B4GALT4: variants seen among roughly 807,000 people sequenced by gnomAD.
The protein encoded by B4GALT4 is beta-1,4-galactosyltransferase 4, also known as N-acetyllactosamine synthase.
B4GALT4 carries 27 observed loss-of-function variants against 37.3 expected under a neutral mutation model. That is an observed-to-expected ratio of 0.72 (90% CI 0.53 to 1.00). The LOEUF is 1.00. B4GALT4 is among the 50% of genes least tolerant of loss of function. The pLI is 0.00. For missense variants in B4GALT4, 372 were observed against 413.1 expected (o/e 0.90, Z 0.86); for synonymous variants, 148 against 154.1 (o/e 0.96, Z 0.29).
intron 4 of B4GALT4, 130 bp downstream of exon 4, chr3:119,226,679 G>C: frequency 2.7e-6 from 2 of 742,350 alleles, no homozygotes; most frequent in South Asian, 3.7e-5. Flanking sequence ...AAGGATAAAT[G>C]AGGTAAGAGA....
At chr3:119,230,351 C>A in intron 2 of B4GALT4, 107 bp from the exon 3 acceptor site, 1 of 505,994 alleles carries the variant, frequency 2.0e-6, no homozygotes, top group Non-Finnish European at 3.5e-6. Flanking sequence ...CTTGACTAAC[C>A]GTAATGGTAG....
At chr3:119,238,548 C>T (rs975161425) in intron 1 of B4GALT4, among the ~76,000 whole-genome samples, 16 of 152,140 alleles carry the variant, frequency 1.1e-4, no homozygotes, top group African/African-American at 3.6e-4. Flanking sequence ...CAAAAAAATA[C>T]GGTAAGATAT....
chr3:119,239,589 C>CA (rs1317074751), intron 1 of B4GALT4, among the ~76,000 whole-genome samples: 5 of 152,148 alleles, frequency 3.3e-5, no homozygotes, highest in Admixed American at 2.0e-4. Context: ...TATTAAGTGG[C>CA]ATATAAACTA....
chr3:119,217,842 CAAAAAAAAAA>C (rs57522373), intron 6 of B4GALT4, among the ~76,000 whole-genome samples: 2 of 87,806 alleles, frequency 2.3e-5, no homozygotes, highest in African/African-American at 9.2e-5. Flanking sequence ...GACTTTGTCT[CAAAAAAAAAA>C]AAAAAAAAAA....
intron 7 of B4GALT4, chr3:119,215,622 T>C (rs1029675289): frequency 1.3e-5 from 2 of 152,100 alleles, no homozygotes; most frequent in Admixed American, 1.3e-4. Flanking sequence ...AAAATAGAGG[T>C]CAGGAGGACA....
intron 2 of B4GALT4, among the ~76,000 whole-genome samples, chr3:119,231,826 T>C (rs1353729263): frequency 6.8e-6 from 1 of 146,900 alleles, no homozygotes; most frequent in Non-Finnish European, 1.5e-5. Flanking sequence ...TATATTTTAA[T>C]ATATTTTATA....
At chr3:119,219,936 C>T (rs776519362) in intron 5 of B4GALT4, among the ~76,000 whole-genome samples, 2 of 151,902 alleles carry the variant, frequency 1.3e-5, no homozygotes, top group South Asian at 4.2e-4. Context: ...GTTCCAGGAC[C>T]GATAAAATAT....
rs773041353 is a variant in B4GALT4 at position 119,230,007 on chromosome 3, A to C, written c.93T>G (p.Ser31Arg). 3.1e-6 allele frequency: 5 copies of C among 1,614,186 alleles called. No homozygotes were observed. In the South Asian group the frequency reaches 5.5e-5, roughly 18 times the overall value. ...LCLTVVGWAT[S>R]NYFVGAIQEI... ...CTTGAATGGCACCCACGAAGTAGTT[A>C]CTGGTGGCCCACCCAACCACTGTCA... Residue 31 changes from serine (S) to arginine (R), a missense_variant, in exon 3 of 8, where the codon AGT (serine) becomes AGG (arginine). Physicochemically the swap from Ser to Arg is moderately radical, Grantham distance 110. Coordinates refer to ENST00000393765, the MANE Select transcript of B4GALT4 (RefSeq NM_003778.4).
chr3:119,237,272 C>CCTT (rs3840489), intron 1 of B4GALT4, among the ~76,000 whole-genome samples: 70,148 of 151,700 alleles, frequency 0.46, 16,669 homozygotes, highest in African/African-American at 0.56. Context: ...TCACCGTAAA[C>CCTT]CTTAAAAAGG....
chr3:119,230,304 C>T, intron 2 of B4GALT4, 60 bp from the exon 3 acceptor site: 3 of 649,448 alleles, frequency 4.6e-6, no homozygotes, highest in Non-Finnish European at 7.7e-6. Flanking sequence ...TGAAGTGATT[C>T]ACTCCAGCAC....
intron 4 of B4GALT4, among the ~76,000 whole-genome samples, chr3:119,225,076 A>T (rs2078566872): frequency 1.3e-5 from 2 of 152,182 alleles, no homozygotes; most frequent in Admixed American, 1.3e-4. Context: ...TATTGCTAAT[A>T]TTTCTAAGCT....
chr3:119,226,083 C>T (rs1482630830), intron 4 of B4GALT4, among the ~76,000 whole-genome samples: 1 of 152,092 alleles, frequency 6.6e-6, no homozygotes, highest in Non-Finnish European at 1.5e-5. Context: ...TTCTTGGCCT[C>T]CTTGGATGGC....
chr3:119,224,811 T>C (rs1256509476), intron 4 of B4GALT4, among the ~76,000 whole-genome samples: 2 of 152,312 alleles, frequency 1.3e-5, no homozygotes, highest in Non-Finnish European at 2.9e-5. Flanking sequence ...ATAGCTCTCA[T>C]GTTAAATATT....
intron 1 of B4GALT4, among the ~76,000 whole-genome samples, chr3:119,238,652 T>C (rs2079057223): frequency 2.0e-5 from 3 of 152,308 alleles, no homozygotes; most frequent in East Asian, 1.9e-4. Context: ...GCCTAACTTA[T>C]AAGTTATACT....
In B4GALT4 at chr3:119,224,056, A is replaced by T; in HGVS notation, c.674+2T>A. 3.1e-6 allele frequency: 5 copies of T among 1,610,710 alleles called. No homozygotes were observed. The highest frequency in any genetic ancestry group is 4.2e-6 in the Non-Finnish European group (5 of 1,178,644). ...AAGCCACCCTCAGCAGAACCACCTTACCTGTACCCAGTGCTGTTCCTGCCA... is the reference window on the plus strand; with the variant it reads ...AAGCCACCCTCAGCAGAACCACCTTTCCTGTACCCAGTGCTGTTCCTGCCA... On this transcript the variant is annotated splice_donor_variant, in intron 5 of 7. Transcript: ENST00000393765. LOFTEE classifies it high-confidence loss of function.
chr3:119,221,851 G>A (rs1201002911), intron 5 of B4GALT4, among the ~76,000 whole-genome samples: 2 of 152,144 alleles, frequency 1.3e-5, no homozygotes, highest in East Asian at 3.9e-4. Flanking sequence ...CTCAACAAAG[G>A]CTTTCTGATA....
At chr3:119,234,722 G>A (rs4687841) in intron 2 of B4GALT4, among the ~76,000 whole-genome samples, 106,692 of 152,110 alleles carry the variant, frequency 0.7, 38,166 homozygotes, top group African/African-American at 0.85. Flanking sequence ...AATTCTCACA[G>A]GAGTCTCAGA....
chr3:119,237,467 A>G (rs1220250622), intron 1 of B4GALT4, among the ~76,000 whole-genome samples: 2 of 152,242 alleles, frequency 1.3e-5, no homozygotes, highest in Non-Finnish European at 2.9e-5. Flanking sequence ...TATCAAATAC[A>G]TAAAGGAATG....
chr3:119,220,522 G>C (rs890182064), intron 5 of B4GALT4, among the ~76,000 whole-genome samples: 1 of 152,184 alleles, frequency 6.6e-6, no homozygotes, highest in Admixed American at 6.5e-5. Context: ...GAGAGGTGTC[G>C]CCACATCAGG....
Sources: gnomAD v4.1 joint callset for allele counts (sites outside exome capture counted in the v4.1 genomes callset) on GRCh38, gnomAD v4.1.1 for gene constraint, MANE v1.5 for transcripts, NCBI Gene and HGNC (gene_info 2026-07-23, HGNC 2026-07-21) for gene names.